Variants in CLNK observed in about 807,000 individuals in gnomAD.
CLNK encodes the protein cytokine-dependent hematopoietic cell linker.
A neutral mutation model predicts 68.6 loss-of-function variants in CLNK; 74 were observed. The observed-to-expected ratio is 1.08, with a 90% CI of 0.89 to 1.31. The LOEUF (loss-of-function observed/expected upper bound fraction) is 1.31, where lower values mean the gene tolerates loss of function less well. CLNK is among the 50% of genes most tolerant of loss of function. CLNK has a pLI of 0.00. For missense variants in CLNK, 553 were observed against 515.3 expected (o/e 1.07, Z -0.71); for synonymous variants, 198 against 172.2 (o/e 1.15, Z -1.17).
chr4:10,539,925 G>A (rs1718947077), intron 11 of CLNK, among the ~76,000 whole-genome samples: 1 of 152,198 alleles, frequency 6.6e-6, no homozygotes, highest in Admixed American at 6.5e-5. Context: ...CAGGCCACAA[G>A]TGAGCAATTC....
intron 2 of CLNK, among the ~76,000 whole-genome samples, chr4:10,604,582 C>CTT (rs11319798): frequency 2.3e-4 from 33 of 141,420 alleles, no homozygotes; most frequent in Non-Finnish European, 4.3e-4. Context: ...CTTGTCACAG[C>CTT]TTTTTTTTTT....
At position 10,487,470 on chromosome 4, in the gene CLNK, C is replaced by T. The variant is rs1252697143; in HGVS notation, c.*2997G>A. The T allele has an allele frequency of 6.6e-6, 1 of 152,122 alleles. No individual in the cohort carries two copies. Among genetic ancestry groups the T allele is most frequent in the Non-Finnish European group, 1.5e-5 (1 of 68,022 alleles). 9.4% of individuals were successfully genotyped at this position (152,122 alleles called of 1,614,324 possible). On this transcript the variant is annotated 3_prime_UTR_variant, in exon 19 of 19. Transcript: ENST00000226951. ...CAAAATGTAAATGTGATTGTCCTTA[C>T]TACAATCAACACTGAAAACAGTGAA...
intron 2 of CLNK, among the ~76,000 whole-genome samples, chr4:10,649,904 A>T (rs1304155700): frequency 1.3e-5 from 2 of 152,224 alleles, no homozygotes; most frequent in African/African-American, 4.8e-5. Flanking sequence ...GCTTCAGATA[A>T]CAGCAGCAAA....
chr4:10,626,942 T>A (rs1722697372), intron 2 of CLNK, among the ~76,000 whole-genome samples: 1 of 152,162 alleles, frequency 6.6e-6, no homozygotes, highest in East Asian at 1.9e-4. Flanking sequence ...AGGGAGAGAT[T>A]TTGTGCCACG....
At chr4:10,669,561 A>G (rs1303131756) in intron 1 of CLNK, among the ~76,000 whole-genome samples, 1 of 152,164 alleles carries the variant, frequency 6.6e-6, no homozygotes, top group Admixed American at 6.5e-5. Context: ...GGTAGCTGGG[A>G]TGTTGGTAGT....
rs149626604 is a variant in CLNK, at chr4:10,609,445, T to C, written c.12-11396A>G. ...TCACAGTAAGGCCCTCGGTTCTCCATTGAAATGGATCAGACTTTGGTTTTC... is the reference window on the plus strand; with the variant it reads ...TCACAGTAAGGCCCTCGGTTCTCCACTGAAATGGATCAGACTTTGGTTTTC... On this transcript the variant is annotated intron_variant, in intron 2 of 18. Transcript: ENST00000226951. 6.3e-4 allele frequency among the ~76,000 whole-genome samples: 96 copies of C among 152,350 alleles called. No homozygotes were observed. In the East Asian group the frequency reaches 0.017, roughly 26 times the overall value.
chr4:10,635,041 C>T (rs1723029105), intron 2 of CLNK, among the ~76,000 whole-genome samples: 1 of 152,132 alleles, frequency 6.6e-6, no homozygotes, highest in Admixed American at 6.5e-5. Context: ...AGATAACAAT[C>T]TTATGAAGCA....
At chr4:10,612,193 T>C (rs1170852643) in intron 2 of CLNK, among the ~76,000 whole-genome samples, 2 of 152,354 alleles carry the variant, frequency 1.3e-5, no homozygotes, top group East Asian at 3.9e-4. Context: ...TGACATTTAT[T>C]TTATTTCCAT....
chr4:10,700,289 T>G, the CLNK span, among the ~76,000 whole-genome samples: 45 of 152,318 alleles, frequency 3.0e-4, no homozygotes, highest in African/African-American at 1.1e-3. Flanking sequence ...GCGATATGAT[T>G]ATTTTACAAG....
chr4:10,525,957 CA>C (rs1344832914), intron 13 of CLNK, 35 bp from the exon 14 acceptor site: 6 of 1,306,344 alleles, frequency 4.6e-6, no homozygotes, highest in Non-Finnish European at 6.4e-6. Flanking sequence ...GGTCAGGTTG[CA>C]AAAGAAAAAT....
the CLNK span, among the ~76,000 whole-genome samples, chr4:10,703,528 A>G: frequency 6.6e-6 from 1 of 152,210 alleles, no homozygotes; most frequent in Non-Finnish European, 1.5e-5. Flanking sequence ...CGAGAGGTAC[A>G]GAAACTGTCT....
chr4:10,655,674 G>A (rs1368703435), intron 2 of CLNK, among the ~76,000 whole-genome samples: 5 of 112,862 alleles, frequency 4.4e-5, no homozygotes, highest in African/African-American at 1.8e-4. Flanking sequence ...TTTTGAGACA[G>A]AGTCTTGCCC....
intron 2 of CLNK, among the ~76,000 whole-genome samples, chr4:10,606,173 A>G (rs1181952398): frequency 6.6e-6 from 1 of 152,240 alleles, no homozygotes; most frequent in African/African-American, 2.4e-5. Flanking sequence ...TATTCTGTAA[A>G]CATTTAATTT....
chr4:10,627,432 G>A (rs1350131147), intron 2 of CLNK, among the ~76,000 whole-genome samples: 1 of 152,176 alleles, frequency 6.6e-6, no homozygotes, highest in Admixed American at 6.5e-5. Flanking sequence ...AGCCACATAA[G>A]CTTCTGTATG....
chr4:10,726,034 G>C, the CLNK span, among the ~76,000 whole-genome samples: 1 of 151,864 alleles, frequency 6.6e-6, no homozygotes, highest in Non-Finnish European at 1.5e-5. Flanking sequence ...GTGTGGGCAG[G>C]GCTGGTTCCT....
intron 2 of CLNK, among the ~76,000 whole-genome samples, chr4:10,613,117 G>C (rs1722095485): frequency 6.6e-6 from 1 of 152,166 alleles, no homozygotes; most frequent in African/African-American, 2.4e-5. Flanking sequence ...AGCAGAAAAG[G>C]ATCTCTATCC....
chr4:10,659,158 G>A (rs1724094281), intron 2 of CLNK, among the ~76,000 whole-genome samples: 1 of 152,302 alleles, frequency 6.6e-6, no homozygotes, highest in Non-Finnish European at 1.5e-5. Flanking sequence ...CTGAGATCGT[G>A]CTACTGCACT....
chr4:10,654,999 G>T (rs1410828832), intron 2 of CLNK, among the ~76,000 whole-genome samples: 1 of 151,424 alleles, frequency 6.6e-6, no homozygotes, highest in African/African-American at 2.4e-5. Flanking sequence ...TACTAGGGAG[G>T]CTGAGGCAGG....
intron 8 of CLNK, among the ~76,000 whole-genome samples, chr4:10,549,940 T>G (rs1719382098): frequency 6.6e-6 from 1 of 152,182 alleles, no homozygotes; most frequent in Non-Finnish European, 1.5e-5. Flanking sequence ...TTTGGGTAGG[T>G]AATGTACTGA....
Sources: allele counts gnomAD v4.1 joint callset (sites outside exome capture counted in the v4.1 genomes callset), GRCh38; gene constraint gnomAD v4.1.1; transcripts MANE v1.5; gene names NCBI Gene and HGNC (gene_info 2026-07-23, HGNC 2026-07-21).